Variants in SETD5 observed in about 807,000 individuals in gnomAD.
SETD5 encodes the protein histone-lysine N-methyltransferase SETD5.
Under a neutral mutation model 153.3 loss-of-function variants are expected in SETD5, and 44 were observed. The observed-to-expected ratio is 0.29, with a 90% CI of 0.23 to 0.37. The LOEUF (loss-of-function observed/expected upper bound fraction) is 0.37. SETD5 is among the 10% of genes least tolerant of loss of function. The pLI is 1.00. For missense variants in SETD5, 1,544 were observed against 1,768.0 expected (o/e 0.87, Z 2.27); for synonymous variants, 716 against 645.2 (o/e 1.11, Z -1.66).
chr3:9,443,240 GT>G lies in SETD5; in HGVS notation c.1078-61del, dbSNP rs746271806. The G allele has an allele frequency of 1.1e-5, 12 of 1,141,614 alleles. No homozygotes were observed. In the African/African-American group the frequency reaches 1.1e-4, roughly 10 times the overall value. The allele number at this position is 1,141,614 out of a possible 1,614,324, so 70.7% of individuals were successfully genotyped here. ...TAACTCCAAATGGAGAGAAAGTATG[GT>G]TTTTTTCTCTCTTACGGAAAGTTCA... On this transcript the variant is annotated intron_variant, in intron 10 of 22. Coordinates refer to ENST00000402198, the MANE Select transcript of SETD5 (RefSeq NM_001080517.3).
At chr3:9,437,731 A>C (rs1336410769) in intron 7 of SETD5, among the ~76,000 whole-genome samples, 1 of 152,158 alleles carries the variant, frequency 6.6e-6, no homozygotes, top group Non-Finnish European at 1.5e-5. Flanking sequence ...GGCCAGGCGC[A>C]GTAGCTCACG....
chr3:9,470,638 C>A lies in SETD5; in HGVS notation c.2904C>A (p.Thr968=). ...FPSRSGDGHQ[T]LVRNSDQAFR... ...GCAGAAGTGGAGATGGACATCAGAC[C>A]CTCGTGAGAAACTCAGACCAGGCAT... The change falls in exon 19 of 23, where the codon ACC becomes ACA. Residue 968 remains threonine (T), a synonymous_variant. Coordinates refer to ENST00000402198, the MANE Select transcript of SETD5 (RefSeq NM_001080517.3). 1 of 1,613,910 alleles carries A rather than the reference C, an allele frequency of 6.2e-7. No individual in the cohort carries two copies. The highest frequency in any genetic ancestry group is 8.5e-7 in the Non-Finnish European group (1 of 1,179,884).
In SETD5 at chr3:9,475,469, C is replaced by A; in HGVS notation, c.3721-14C>A. ...TGTTCGCGTCCTTATTCGTTTCCTC[C>A]CAACTTTGTCTAGCTCCTGCAGTGT... On this transcript the variant is annotated splice_polypyrimidine_tract_variant and intron_variant, in intron 22 of 22. Transcript: ENST00000402198. 1 of 1,597,958 alleles carries A rather than the reference C, an allele frequency of 6.3e-7. No homozygotes were observed. The highest frequency in any genetic ancestry group is 1.1e-5 in the South Asian group (1 of 90,468).
At chr3:9,417,610 C>T (rs1463365416) in intron 1 of SETD5, among the ~76,000 whole-genome samples, 6 of 151,682 alleles carry the variant, frequency 4.0e-5, no homozygotes, top group Non-Finnish European at 8.8e-5. Flanking sequence ...CTCAGCCTCC[C>T]AAGTAGCTGA....
rs2041390445 is a variant in SETD5, at chr3:9,442,316, A to C, written c.1077+71A>C. On this transcript the variant is annotated intron_variant, in intron 10 of 22. Transcript: ENST00000402198. ...ACAAGCTTACTGAAGAAGCAGTGTG[A>C]AAACTTCACTCAGATAAAGGTCTGT... The C allele has an allele frequency of 9.1e-6, 10 of 1,096,462 alleles. No homozygotes were observed. The South Asian group carries it at 1.3e-4, about 14-fold the overall frequency. 67.9% of individuals were successfully genotyped at this position (1,096,462 alleles called of 1,614,324 possible).
In SETD5 at chr3:9,428,908, G is replaced by A. The variant is rs769861260; in HGVS notation, c.-31G>A. The A allele has an allele frequency of 5.7e-6, 9 of 1,585,278 alleles. No homozygotes were observed. Among genetic ancestry groups the A allele is most frequent in the Middle Eastern group, 1.7e-4 (1 of 6,022 alleles). ...GGTCAGTCTCCATTAATTGGACCCC[G>A]TGATTTCCAATCTCTGCTGTGTTGG... On this transcript the variant is annotated 5_prime_UTR_variant, in exon 3 of 23. In the 5' UTR this introduces an upstream ATG that the reference lacks. Coordinates refer to ENST00000402198, the MANE Select transcript of SETD5 (RefSeq NM_001080517.3).
rs376380825 is a variant in SETD5, at chr3:9,434,501, A to G, written c.329+16A>G. The G allele has an allele frequency of 2.5e-5, 41 of 1,613,774 alleles. No homozygotes were observed. In the East Asian group the frequency reaches 8.0e-4, roughly 32 times the overall value. On this transcript the variant is annotated intron_variant, in intron 5 of 22. Coordinates refer to ENST00000402198, the MANE Select transcript of SETD5 (RefSeq NM_001080517.3). The surrounding 1 kb of genome is among the most constrained non-coding windows in gnomAD (Gnocchi z 5.6). The stretch of plus-strand genomic sequence containing the variant: ...ACAAGTGCAGGTAAGATCCTGTTCC[A>G]TCTAAATTTAAGTCTGGGTTGCTGG...
intron 9 of SETD5, 68 bp downstream of exon 9, chr3:9,441,809 T>C (rs1172748934): frequency 3.6e-5 from 58 of 1,591,666 alleles, no homozygotes; most frequent in Non-Finnish European, 5.2e-6. Context: ...GTTGTAAAAA[T>C]CATTCTGTTT....
intron 18 of SETD5, among the ~76,000 whole-genome samples, chr3:9,467,227 A>G (rs987270162): frequency 9.4e-5 from 14 of 149,094 alleles, no homozygotes; most frequent in African/African-American, 3.5e-4. Context: ...AAAAAAAACA[A>G]CCTTACTAGA....
chr3:9,423,980 A>G (rs115968566), intron 1 of SETD5, among the ~76,000 whole-genome samples: 2,857 of 152,302 alleles, frequency 0.019, 76 homozygotes, highest in African/African-American at 0.057. Flanking sequence ...ACAAGAAACT[A>G]GATGGTGTGG....
rs760728910 is a variant in SETD5 at position 9,443,496 on chromosome 3, C to T, written c.1187+79C>T. ...CTATTCACTCTATTTAAAGTCTGCTCTTGTTTCTTGCCTTTTCCTTTGTTT... is the reference window on the plus strand; with the variant it reads ...CTATTCACTCTATTTAAAGTCTGCTTTTGTTTCTTGCCTTTTCCTTTGTTT... On this transcript the variant is annotated intron_variant, in intron 11 of 22. Transcript: ENST00000402198. 1.2e-5 allele frequency: 9 copies of T among 738,710 alleles called. No individual in the cohort carries two copies. In the African/African-American group the frequency reaches 1.7e-4, roughly 14 times the overall value. 45.8% of individuals were successfully genotyped at this position (738,710 alleles called of 1,614,324 possible).
In SETD5 at chr3:9,434,978, C is replaced by T; in HGVS notation, c.388+96C>T. On this transcript the variant is annotated intron_variant, in intron 6 of 22. Transcript: ENST00000402198. The surrounding 1 kb of genome is among the most constrained non-coding windows in gnomAD (Gnocchi z 5.6). ...AACCCCTCTTGGCCAGGCGCAGTGGCTTACGCCTGTAATCTCACCACTTAG... is the reference window on the plus strand; with the variant it reads ...AACCCCTCTTGGCCAGGCGCAGTGGTTTACGCCTGTAATCTCACCACTTAG... 1.4e-6 allele frequency: 2 copies of T among 1,411,252 alleles called. No individual in the cohort carries two copies. The highest frequency in any genetic ancestry group is 1.4e-5 in the South Asian group (1 of 73,736). The allele number at this position is 1,411,252 out of a possible 1,614,324, so 87.4% of individuals were successfully genotyped here. A position where few individuals can be genotyped will look rare whatever the true frequency, so the allele number is the denominator to read the frequency against.
chr3:9,428,801 A>G, intron 2 of SETD5, 22 bp from the exon 3 acceptor site: 1 of 490,584 alleles, frequency 2.0e-6, no homozygotes. Flanking sequence ...ATTTTACTAG[A>G]TATTTTCCTT....
At chr3:9,438,321 T>C (rs972706890) in intron 7 of SETD5, among the ~76,000 whole-genome samples, 5 of 152,190 alleles carry the variant, frequency 3.3e-5, no homozygotes, top group Non-Finnish European at 7.3e-5. Context: ...AGAGGGGCCT[T>C]TTAAATAGAC....
chr3:9,411,469 T>G (rs1264713503), intron 1 of SETD5, among the ~76,000 whole-genome samples: 1 of 152,230 alleles, frequency 6.6e-6, no homozygotes, highest in Non-Finnish European at 1.5e-5. Context: ...TTCTAATGAC[T>G]AATATAGTCT....
intron 17 of SETD5, among the ~76,000 whole-genome samples, chr3:9,457,041 T>TA (rs2043343671): frequency 6.8e-6 from 1 of 147,964 alleles, no homozygotes; most frequent in African/African-American, 2.5e-5. Context: ...AAGAAAGAAA[T>TA]ACACTAAATA....
Position 9,441,808 on chromosome 3 carries a change from ATCAT to A in SETD5, c.959+70_959+73del, listed in dbSNP as rs1429303845. On this transcript the variant is annotated intron_variant, in intron 9 of 22. Coordinates refer to ENST00000402198, the MANE Select transcript of SETD5 (RefSeq NM_001080517.3). The stretch of plus-strand genomic sequence containing the variant: ...CTGGTTGACCAGTGTTGTTGTAAAA[ATCAT>A]TCTGTTTGATAAGACGCTCTTGGGA... The A allele has an allele frequency of 4.4e-6, 7 of 1,595,180 alleles. No individual in the cohort carries two copies. The African/African-American group carries it at 9.4e-5, about 21-fold the overall frequency.
chr3:9,467,096 G>C (rs1377992769), intron 18 of SETD5, among the ~76,000 whole-genome samples: 1 of 151,290 alleles, frequency 6.6e-6, no homozygotes, highest in Non-Finnish European at 1.5e-5. Context: ...CTACTCGGGA[G>C]GCCAAGGCAA....
intron 7 of SETD5, chr3:9,436,831 G>C (rs1403103143): frequency 1.3e-6 from 2 of 1,549,702 alleles, no homozygotes; most frequent in South Asian, 2.4e-5. Flanking sequence ...TGTTCTACTT[G>C]TTTTCCTCCT....
Sources: allele counts gnomAD v4.1 joint callset (sites outside exome capture counted in the v4.1 genomes callset), GRCh38; gene constraint gnomAD v4.1.1; non-coding constraint Gnocchi (gnomAD v3.1); transcripts MANE v1.5; gene names NCBI Gene and HGNC (gene_info 2026-07-23, HGNC 2026-07-21).